GREM2: variants seen among roughly 807,000 people sequenced by gnomAD.
GREM2 encodes gremlin-2.
GREM2 carries 11 observed loss-of-function variants against 14.2 expected under a neutral mutation model. That is an observed-to-expected ratio of 0.78 (90% confidence interval 0.49 to 1.28). The LOEUF (loss-of-function observed/expected upper bound fraction) is 1.28, where lower values mean the gene tolerates loss of function less well. Ranked by LOEUF, GREM2 falls within the 50% of genes most tolerant of loss-of-function variation. The pLI is 0.00. For synonymous variants in GREM2, 98 were observed against 97.6 expected (o/e 1.00, Z -0.02); for missense variants, 210 against 218.5 (o/e 0.96, Z 0.24).
At chr1:240,604,849 GAATAAATAGT>G (rs1679997677) in intron 1 of GREM2, among the ~76,000 whole-genome samples, 1 of 152,144 alleles carries the variant, frequency 6.6e-6, no homozygotes, top group African/African-American at 2.4e-5. Context: ...ATCTAATTAG[GAATAAATAGT>G]AACTTCTCTT....
chr1:240,510,259 A>C (rs1677786212), intron 1 of GREM2, among the ~76,000 whole-genome samples: 1 of 149,192 alleles, frequency 6.7e-6, no homozygotes, highest in Non-Finnish European at 1.5e-5. Flanking sequence ...AGTCCCAGCT[A>C]GTCGGGAGGC....
At chr1:240,511,711 A>C (rs1677835236) in intron 1 of GREM2, among the ~76,000 whole-genome samples, 1 of 152,114 alleles carries the variant, frequency 6.6e-6, no homozygotes, top group Non-Finnish European at 1.5e-5. Context: ...CGAGATTGTG[A>C]CACTGCACTC....
At chr1:240,517,058 A>G (rs1677972625) in intron 1 of GREM2, among the ~76,000 whole-genome samples, 1 of 152,224 alleles carries the variant, frequency 6.6e-6, no homozygotes, top group Non-Finnish European at 1.5e-5. Context: ...TCATAATGTT[A>G]TAGTGAGGAT....
At chr1:240,600,418 C>G (rs901462440) in intron 1 of GREM2, among the ~76,000 whole-genome samples, 1 of 152,120 alleles carries the variant, frequency 6.6e-6, no homozygotes, top group African/African-American at 2.4e-5. Context: ...CTCAAGGTAC[C>G]TATGTGTCCA....
intron 1 of GREM2, among the ~76,000 whole-genome samples, chr1:240,569,410 CA>C (rs927905072): frequency 4.6e-5 from 7 of 152,036 alleles, no homozygotes; most frequent in African/African-American, 1.7e-4. Context: ...AAAAGAATAA[CA>C]AAGTTGAAAG....
At chr1:240,555,968 A>G (rs1490611782) in intron 1 of GREM2, among the ~76,000 whole-genome samples, 1 of 152,196 alleles carries the variant, frequency 6.6e-6, no homozygotes, top group Non-Finnish European at 1.5e-5. Context: ...AAGGTATGAC[A>G]AAAATTAGCT....
rs1409043699 is a variant in GREM2, at chr1:240,542,465, AT to A, written c.-1-48990del. Among the ~76,000 whole-genome samples, 20 of 131,618 alleles carry A rather than the reference AT, an allele frequency of 1.5e-4. No individual in the cohort carries two copies. The highest frequency in any genetic ancestry group is 7.8e-3 in the Middle Eastern group (2 of 256). The allele number at this position is 131,618 out of a possible 152,430, so 86.3% of individuals were successfully genotyped here. On this transcript the variant is annotated intron_variant, in intron 1 of 1. Transcript: ENST00000318160. This position sits in a 1 kb window ranked among gnomAD's most constrained non-coding sequence, Gnocchi z 4.1. ...TACTAAAAAAAAAAAAAAAAAAAAA[AT>A]TAGCTGGGTGTGGTGGTGCGCACCT...
chr1:240,507,280 C>A (rs1300166727), intron 1 of GREM2, among the ~76,000 whole-genome samples: 2 of 151,912 alleles, frequency 1.3e-5, no homozygotes, highest in Non-Finnish European at 1.5e-5. Context: ...TGCCTTCCTG[C>A]CTTCCTCCCT....
chr1:240,601,620 T>C (rs1363706312), intron 1 of GREM2, among the ~76,000 whole-genome samples: 1 of 152,022 alleles, frequency 6.6e-6, no homozygotes. Flanking sequence ...AGATATTGTG[T>C]GTTAGGCCCG....
intron 1 of GREM2, among the ~76,000 whole-genome samples, chr1:240,507,022 C>A (rs1195841389): frequency 6.6e-6 from 1 of 152,142 alleles, no homozygotes; most frequent in East Asian, 1.9e-4. Flanking sequence ...GGGGCTGGAG[C>A]CGGGGCTGGT....
rs1678630389 is a variant in GREM2, at chr1:240,543,142, A to G, written c.-1-49666T>C. Among the ~76,000 whole-genome samples, 1 of 152,172 alleles carries G rather than the reference A, an allele frequency of 6.6e-6. No individual in the cohort carries two copies. The highest frequency in any genetic ancestry group is 2.4e-5 in the African/African-American group (1 of 41,450). On this transcript the variant is annotated intron_variant, in intron 1 of 1. Transcript: ENST00000318160. The surrounding 1 kb of genome is among the most constrained non-coding windows in gnomAD (Gnocchi z 6.4). The stretch of plus-strand genomic sequence containing the variant: ...ATTTGACTATTATTTTACATCCCCC[A>G]TCAGATTGTGGATCACCTAAGGCTA...
chr1:240,543,282 AG>A lies in GREM2; in HGVS notation c.-1-49807del, dbSNP rs369008060. Among the ~76,000 whole-genome samples, 23 of 152,354 alleles carry A rather than the reference AG, an allele frequency of 1.5e-4. No individual in the cohort carries two copies. The South Asian group carries it at 4.3e-3, about 29-fold the overall frequency. ...GTCTGTCGTCATGCTGCTAATAAAA[AG>A]ACATACCTGAAACTGTGTAATTTAT... On this transcript the variant is annotated intron_variant, in intron 1 of 1. Coordinates refer to ENST00000318160, the MANE Select transcript of GREM2 (RefSeq NM_022469.4). The surrounding 1 kb of genome is among the most constrained non-coding windows in gnomAD (Gnocchi z 6.4).
At chr1:240,508,362 G>A (rs1677727754) in intron 1 of GREM2, among the ~76,000 whole-genome samples, 1 of 152,218 alleles carries the variant, frequency 6.6e-6, no homozygotes, top group South Asian at 2.1e-4. Flanking sequence ...GGGAGGTTAG[G>A]AGAATCAGTT....
chr1:240,544,024 C>T (rs1678658447), intron 1 of GREM2, among the ~76,000 whole-genome samples: 1 of 152,144 alleles, frequency 6.6e-6, no homozygotes, highest in Non-Finnish European at 1.5e-5. Context: ...TTTGCTGTGC[C>T]TCAAGTACTA....
At chr1:240,517,456 T>C (rs1393759195) in intron 1 of GREM2, among the ~76,000 whole-genome samples, 1 of 152,200 alleles carries the variant, frequency 6.6e-6, no homozygotes, top group Non-Finnish European at 1.5e-5. Flanking sequence ...GCAGTACTAT[T>C]TATTTGGAAG....
chr1:240,535,869 A>G (rs1249668209), intron 1 of GREM2, among the ~76,000 whole-genome samples: 2 of 152,166 alleles, frequency 1.3e-5, no homozygotes, highest in African/African-American at 4.8e-5. Flanking sequence ...AAAGAGAGAA[A>G]GACAAGCCTA....
intron 1 of GREM2, among the ~76,000 whole-genome samples, chr1:240,601,172 A>G (rs1405803703): frequency 6.6e-6 from 1 of 152,234 alleles, no homozygotes; most frequent in African/African-American, 2.4e-5. Flanking sequence ...AGTAACAATA[A>G]TAATTGAGTT....
At chr1:240,509,750 T>C (rs1677763013) in intron 1 of GREM2, among the ~76,000 whole-genome samples, 1 of 152,092 alleles carries the variant, frequency 6.6e-6, no homozygotes, top group South Asian at 2.1e-4. Context: ...CAACACACAT[T>C]GAATGGGAAC....
chr1:240,585,884 A>G (rs1443342015), intron 1 of GREM2, among the ~76,000 whole-genome samples: 1 of 152,026 alleles, frequency 6.6e-6, no homozygotes, highest in Non-Finnish European at 1.5e-5. Context: ...TATGAAGGGA[A>G]AGGAAGCTTG....
Sources: gnomAD v4.1 joint callset for allele counts (sites outside exome capture counted in the v4.1 genomes callset) on GRCh38, gnomAD v4.1.1 for gene constraint, Gnocchi (gnomAD v3.1) non-coding constraint, MANE v1.5 for transcripts, NCBI Gene and HGNC (gene_info 2026-07-23, HGNC 2026-07-21) for gene names.